SYN2: variants seen among roughly 807,000 people sequenced by gnomAD.
The protein encoded by SYN2 is synapsin-2.
In SYN2, 19 loss-of-function variants were observed where a neutral mutation model predicts 50.9. The observed-to-expected ratio is 0.37, with a 90% CI of 0.26 to 0.55. SYN2 has a LOEUF of 0.55. Ranked by LOEUF, SYN2 falls within the 20% of genes least tolerant of loss-of-function variation. SYN2 has a pLI of 0.81. For missense variants in SYN2, 587 were observed against 576.4 expected (o/e 1.02, Z -0.19); for synonymous variants, 255 against 224.9 (o/e 1.13, Z -1.20).
intron 1 of SYN2, among the ~76,000 whole-genome samples, chr3:12,066,736 T>C (rs1199317107): frequency 2.0e-5 from 3 of 152,188 alleles, no homozygotes; most frequent in African/African-American, 7.2e-5. Context: ...TTCAAGAACC[T>C]CTTTACAAGT....
chr3:12,129,620 CA>C, intron 1 of SYN2, among the ~76,000 whole-genome samples: 1 of 152,200 alleles, frequency 6.6e-6, no homozygotes, highest in Non-Finnish European at 1.5e-5. Context: ...ATACCCCAGC[CA>C]GAAGATGTAA....
chr3:12,147,840 G>A (rs970019320), intron 4 of SYN2, among the ~76,000 whole-genome samples: 2 of 152,252 alleles, frequency 1.3e-5, no homozygotes, highest in Non-Finnish European at 2.9e-5. Context: ...GTGGCCAGAC[G>A]TGGTGGCTCA....
chr3:12,150,306 A>G (rs1448898462), intron 4 of SYN2, among the ~76,000 whole-genome samples: 1 of 152,126 alleles, frequency 6.6e-6, no homozygotes. Flanking sequence ...ATGTGACTGG[A>G]TTGAGCAGGA....
chr3:12,159,011 G>C (rs1697557734), intron 5 of SYN2: 1 of 944,004 alleles, frequency 1.1e-6, no homozygotes, highest in Admixed American at 3.3e-5. Context: ...CACCCGCGGA[G>C]GCAGGACCCG....
chr3:12,062,502 G>A (rs913610239), intron 1 of SYN2, among the ~76,000 whole-genome samples: 6 of 151,952 alleles, frequency 3.9e-5, no homozygotes, highest in Non-Finnish European at 7.4e-5. Context: ...AAACTGATAA[G>A]TTGGACTTTA....
At chr3:12,033,802 A>T (rs74388716) in intron 1 of SYN2, among the ~76,000 whole-genome samples, 1 of 152,178 alleles carries the variant, frequency 6.6e-6, no homozygotes, top group African/African-American at 2.4e-5. Flanking sequence ...TCATCTTAGC[A>T]TAATGTTTTC....
chr3:12,147,187 G>A (rs1697171045), intron 4 of SYN2, among the ~76,000 whole-genome samples: 1 of 151,894 alleles, frequency 6.6e-6, no homozygotes, highest in Non-Finnish European at 1.5e-5. Context: ...AGCTGAAGAG[G>A]GGTGTGTGTG....
intron 1 of SYN2, among the ~76,000 whole-genome samples, chr3:12,011,781 A>T (rs1035929936): frequency 1.6e-4 from 24 of 152,344 alleles, no homozygotes; most frequent in African/African-American, 5.8e-4. Context: ...TCTACTATAT[A>T]TCAGGCACTG....
intron 4 of SYN2, among the ~76,000 whole-genome samples, chr3:12,149,371 G>A (rs1035591813): frequency 2.6e-5 from 4 of 152,222 alleles, no homozygotes; most frequent in South Asian, 2.1e-4. Flanking sequence ...CAGGCAGGAC[G>A]TAAAGGTCAG....
chr3:12,035,404 C>T (rs1303333296), intron 1 of SYN2, among the ~76,000 whole-genome samples: 1 of 152,190 alleles, frequency 6.6e-6, no homozygotes, highest in East Asian at 1.9e-4. Context: ...AAACTTGGGT[C>T]CATCAACCTG....
At chr3:12,038,049 T>C (rs1433318541) in intron 1 of SYN2, among the ~76,000 whole-genome samples, 1 of 152,226 alleles carries the variant, frequency 6.6e-6, no homozygotes, top group Non-Finnish European at 1.5e-5. Flanking sequence ...CTCTTACACT[T>C]AGATCTTTGA....
intron 1 of SYN2, among the ~76,000 whole-genome samples, chr3:12,045,954 A>G (rs1374097140): frequency 6.6e-6 from 1 of 152,206 alleles, no homozygotes; most frequent in Non-Finnish European, 1.5e-5. Context: ...GAATTTGAAT[A>G]ACTTGCTTCT....
intron 1 of SYN2, among the ~76,000 whole-genome samples, chr3:12,078,766 A>G (rs1254696657): frequency 6.6e-6 from 1 of 152,190 alleles, no homozygotes; most frequent in East Asian, 1.9e-4. Context: ...CTTTTTGCTT[A>G]GGATTGTCTT....
chr3:12,129,843 A>T (rs1157638316), intron 1 of SYN2, among the ~76,000 whole-genome samples: 2 of 152,096 alleles, frequency 1.3e-5, no homozygotes, highest in African/African-American at 2.4e-5. Flanking sequence ...AACCTCTAAT[A>T]TGATGGTATT....
intron 1 of SYN2, among the ~76,000 whole-genome samples, chr3:12,012,645 G>C (rs1478740075): frequency 6.6e-6 from 1 of 152,116 alleles, no homozygotes; most frequent in Admixed American, 6.5e-5. Context: ...TTGCACAGCT[G>C]CCTTTGTTTG....
intron 1 of SYN2, among the ~76,000 whole-genome samples, chr3:12,124,046 G>T (rs553094876): frequency 1.2e-4 from 18 of 152,060 alleles, no homozygotes; most frequent in Non-Finnish European, 2.6e-4. Flanking sequence ...TTACATCTCA[G>T]AGATCGCTTC....
In SYN2 at chr3:12,056,001, A is replaced by G. The variant is rs371019801; in HGVS notation, c.377+51073A>G. Among the ~76,000 whole-genome samples the G allele has an allele frequency of 3.9e-5, 6 of 152,298 alleles. No homozygotes were observed. In the South Asian group the frequency reaches 1.0e-3, roughly 26 times the overall value. ...TGTGGGAAACACAAAGAATGGAGAA[A>G]GACGATCTTCCTGGTGAGAGTGTAA... On this transcript the variant is annotated intron_variant, in intron 1 of 12. Coordinates refer to ENST00000621198, the MANE Select transcript of SYN2 (RefSeq NM_133625.6).
At chr3:12,116,561 T>A (rs1359223447) in intron 1 of SYN2, among the ~76,000 whole-genome samples, 1 of 152,144 alleles carries the variant, frequency 6.6e-6, no homozygotes, top group Non-Finnish European at 1.5e-5. Context: ...ACAACCCTTT[T>A]CTAGTCATAT....
At chr3:12,110,611 A>G (rs1696289722) in intron 1 of SYN2, among the ~76,000 whole-genome samples, 1 of 152,110 alleles carries the variant, frequency 6.6e-6, no homozygotes, top group South Asian at 2.1e-4. Context: ...CATCCTCCGA[A>G]ATCTAGGCAG....
Sources: allele counts gnomAD v4.1 joint callset (sites outside exome capture counted in the v4.1 genomes callset), GRCh38; gene constraint gnomAD v4.1.1; transcripts MANE v1.5; gene names NCBI Gene and HGNC (gene_info 2026-07-23, HGNC 2026-07-21).